The following FRMD4A variants were observed in gnomAD, a reference collection of about 807,000 sequenced individuals.
The protein encoded by FRMD4A is FERM domain containing 4A, also known as FERM domain-containing protein 4A.
FRMD4A carries 29 observed loss-of-function variants against 129.1 expected under a neutral mutation model. That is an observed-to-expected ratio of 0.22 (90% CI 0.17 to 0.31). FRMD4A has a LOEUF of 0.31. Ranked by LOEUF, FRMD4A falls within the 10% of genes least tolerant of loss-of-function variation. The pLI is 1.00. For synonymous variants in FRMD4A, 634 were observed against 571.6 expected, an observed-to-expected ratio of 1.11 and a Z score of -1.56; for missense variants, 1,272 against 1,375.8, an observed-to-expected ratio of 0.92 and a Z score of 1.19.
At chr10:13,844,765 G>C (rs374064559) in intron 3 of FRMD4A, among the ~76,000 whole-genome samples, 1 of 152,240 alleles carries the variant, frequency 6.6e-6, no homozygotes, top group African/African-American at 2.4e-5. Context: ...GGCCCTGCTA[G>C]TCGCATGCTC....
chr10:14,126,549 C>T (rs936548628), intron 2 of FRMD4A, among the ~76,000 whole-genome samples: 1 of 152,022 alleles, frequency 6.6e-6, no homozygotes, highest in Non-Finnish European at 1.5e-5. Flanking sequence ...CTTGGCTACA[C>T]GATGACCACC....
intron 19 of FRMD4A, among the ~76,000 whole-genome samples, chr10:13,661,893 C>A (rs187729037): frequency 6.6e-6 from 1 of 152,124 alleles, no homozygotes; most frequent in Non-Finnish European, 1.5e-5. Context: ...GTCCCCCAGC[C>A]GTGGACACCC....
chr10:13,736,396 A>G (rs568216497), intron 12 of FRMD4A, among the ~76,000 whole-genome samples: 10 of 152,304 alleles, frequency 6.6e-5, no homozygotes, highest in African/African-American at 2.2e-4. Flanking sequence ...ATATAAATGG[A>G]TAAGGAAAGG....
At position 14,180,669 on chromosome 10, in the gene FRMD4A, A is replaced by G. The variant is rs17154788; in HGVS notation, c.45+149389T>C. ...ATTTGTTATGCAGCCAATGGATACG[A>G]TTCCTAATCCAAGATGAGAGTTCCT... On this transcript the variant is annotated intron_variant, in intron 2 of 24. Coordinates refer to ENST00000357447, the MANE Select transcript of FRMD4A (RefSeq NM_018027.5). Among the ~76,000 whole-genome samples the G allele has an allele frequency of 6.4e-3, 970 of 152,328 alleles. 23 individuals are homozygous for G. The highest frequency in any genetic ancestry group is 0.033 in the Admixed American group (501 of 15,302).
chr10:14,289,534 C>A (rs892167049), intron 2 of FRMD4A, among the ~76,000 whole-genome samples: 1 of 151,810 alleles, frequency 6.6e-6, no homozygotes, highest in African/African-American at 2.4e-5. Flanking sequence ...GATTTTAATC[C>A]CTTGTCAGAT....
At chr10:14,104,317 T>TA (rs1485151995) in intron 2 of FRMD4A, among the ~76,000 whole-genome samples, 1 of 152,172 alleles carries the variant, frequency 6.6e-6, no homozygotes, top group Non-Finnish European at 1.5e-5. Context: ...CATCAAGGTC[T>TA]ACACTGCCAT....
intron 2 of FRMD4A, among the ~76,000 whole-genome samples, chr10:14,202,383 T>TTTAG (rs1371719792): frequency 2.0e-5 from 3 of 152,142 alleles, no homozygotes; most frequent in Admixed American, 6.5e-5. Flanking sequence ...CTGGTTAGTT[T>TTTAG]TTAGTTATTT....
At chr10:13,757,128 A>AT (rs2091898874) in intron 8 of FRMD4A, among the ~76,000 whole-genome samples, 2 of 152,176 alleles carry the variant, frequency 1.3e-5, no homozygotes, top group South Asian at 2.1e-4. Context: ...TCGAAAGACA[A>AT]TTTTTTGTTT....
intron 2 of FRMD4A, among the ~76,000 whole-genome samples, chr10:14,049,755 T>C (rs1179008777): frequency 6.6e-6 from 1 of 152,146 alleles, no homozygotes; most frequent in African/African-American, 2.4e-5. Flanking sequence ...CCTGGGAGGC[T>C]GAGGCAGGAG....
chr10:13,828,388 G>A (rs1376908033), intron 3 of FRMD4A, among the ~76,000 whole-genome samples: 1 of 152,142 alleles, frequency 6.6e-6, no homozygotes, highest in Non-Finnish European at 1.5e-5. Context: ...GTGAGAACAT[G>A]TGTATTTGGC....
Position 13,662,687 on chromosome 10 carries a change from G to A in FRMD4A, c.1660+766C>T, listed in dbSNP as rs548497997. Among the ~76,000 whole-genome samples the A allele has an allele frequency of 1.6e-3, 241 of 152,260 alleles. 1 individual carries two copies. Among genetic ancestry groups the A allele is most frequent in the Middle Eastern group, 0.014 (4 of 294 alleles). ...GAGTTCAGTGGGAAATAATAAGACAGTTTTCCAGCCTGAGTGTGTATCTAC... is the reference window on the plus strand; with the variant it reads ...GAGTTCAGTGGGAAATAATAAGACAATTTTCCAGCCTGAGTGTGTATCTAC... On this transcript the variant is annotated intron_variant, in intron 19 of 24. Transcript: ENST00000357447.
intron 2 of FRMD4A, among the ~76,000 whole-genome samples, chr10:13,959,344 T>G (rs1414311990): frequency 6.6e-6 from 1 of 152,002 alleles, no homozygotes; most frequent in Non-Finnish European, 1.5e-5. Context: ...TGGTGGCGCG[T>G]GCCTTTGGCC....
intron 2 of FRMD4A, among the ~76,000 whole-genome samples, chr10:13,901,140 C>G (rs1335705038): frequency 6.6e-6 from 1 of 152,208 alleles, no homozygotes; most frequent in African/African-American, 2.4e-5. Flanking sequence ...CTCAGGCAGT[C>G]TGATTCCAGA....
At chr10:13,778,448 T>TCCC (rs2092654508) in intron 6 of FRMD4A, among the ~76,000 whole-genome samples, 1 of 152,116 alleles carries the variant, frequency 6.6e-6, no homozygotes, top group South Asian at 2.1e-4. Context: ...TCAGCAACTG[T>TCCC]CCCAAAATGA....
At chr10:14,315,719 G>T (rs1846714986) in intron 2 of FRMD4A, among the ~76,000 whole-genome samples, 1 of 152,138 alleles carries the variant, frequency 6.6e-6, no homozygotes, top group Non-Finnish European at 1.5e-5. Flanking sequence ...TTTTCAAAAG[G>T]TATCATGCAA....
intron 15 of FRMD4A, among the ~76,000 whole-genome samples, chr10:13,679,474 T>TATATATACACACACACAC (rs1308155926): frequency 4.1e-4 from 13 of 31,490 alleles, no homozygotes; most frequent in African/African-American, 5.4e-4. Flanking sequence ...TATATATATA[T>TATATATACACACACACAC]ACACACACAC....
Position 13,651,910 on chromosome 10 carries a change from C to A in FRMD4A, c.3115G>T (p.Glu1039Ter). The change falls in exon 24 of 25, where the codon GAA becomes TAA. Residue 1039 changes from glutamate to a stop codon, truncating the protein, a stop_gained. Coordinates refer to ENST00000357447, the MANE Select transcript of FRMD4A (RefSeq NM_018027.5). LOFTEE classifies it high-confidence loss of function. The part of the protein sequence containing the change: ...SESPPHQSTD[E>*] ...AAACTCCCCTTACGGTACCTCTATT[C>A]ATCAGTACTTTGGTGAGGTGGAGAC... The A allele has an allele frequency of 1.3e-6, 2 of 1,547,406 alleles. No homozygotes were observed. Among genetic ancestry groups the A allele is most frequent in the Non-Finnish European group, 1.8e-6 (2 of 1,119,008 alleles).
At chr10:13,873,436 C>A (rs2094459364) in intron 2 of FRMD4A, among the ~76,000 whole-genome samples, 1 of 152,180 alleles carries the variant, frequency 6.6e-6, no homozygotes, top group African/African-American at 2.4e-5. Flanking sequence ...GCAAAGGAGA[C>A]TAGATTGTAG....
chr10:13,723,549 G>A (rs2089640245), intron 12 of FRMD4A, among the ~76,000 whole-genome samples: 1 of 152,200 alleles, frequency 6.6e-6, no homozygotes, highest in African/African-American at 2.4e-5. Context: ...ATACCTTACT[G>A]AACTGGCCAC....
Sources: allele counts gnomAD v4.1 joint callset (sites outside exome capture counted in the v4.1 genomes callset), GRCh38; gene constraint gnomAD v4.1.1; transcripts MANE v1.5; gene names NCBI Gene and HGNC (gene_info 2026-07-23, HGNC 2026-07-21).